PIM1: variants seen among roughly 807,000 people sequenced by gnomAD.
PIM1 encodes Pim-1 proto-oncogene, serine/threonine kinase, also known as serine/threonine-protein kinase pim-1.
Under a neutral mutation model 34.5 loss-of-function variants are expected in PIM1, and 9 were observed. The observed-to-expected ratio is 0.26, with a 90% CI of 0.16 to 0.46. The LOEUF (loss-of-function observed/expected upper bound fraction) is 0.46, where lower values mean the gene tolerates loss of function less well. PIM1 is among the 20% of genes least tolerant of loss of function. The pLI is 1.00. For missense variants in PIM1, 274 were observed against 410.9 expected (o/e 0.67, Z 2.88); for synonymous variants, 199 against 175.2 (o/e 1.14, Z -1.07).
chr6:37,172,950 G>A (rs1181524086), intron 4 of PIM1, 46 bp from the exon 5 acceptor site: 1 of 1,551,756 alleles, frequency 6.4e-7, no homozygotes, highest in Non-Finnish European at 8.9e-7. Context: ...CTTTGTGCTT[G>A]TTTTTGCTAA....
Position 37,170,788 on chromosome 6 carries a change from C to A in PIM1, c.98C>A (p.Pro33His), listed in dbSNP as rs1437856130. Reference sequence around the variant, plus strand: ...CCTTTCCTAGGCAAGGAGAAGGAGCCCCTGGAGTCGCAGTACCAGGTGGGC... The same window carrying A: ...CCTTTCCTAGGCAAGGAGAAGGAGCACCTGGAGTCGCAGTACCAGGTGGGC... The part of the protein sequence containing the change: ...TKLAPGKEKE[P>H]LESQYQVGPL... Residue 33 changes from proline to histidine, a missense_variant, in exon 2 of 6, where the codon CCC (proline) becomes CAC (histidine). Pro to His is a moderately conservative substitution (Grantham distance 77). This residue lies in a region of PIM1 where 106 missense variants were observed against 111.5 expected (regional missense o/e 0.95). Coordinates refer to ENST00000373509, the MANE Select transcript of PIM1 (RefSeq NM_002648.4). 2 of 1,612,708 alleles carry A rather than the reference C, an allele frequency of 1.2e-6. No homozygotes were observed. Among genetic ancestry groups the A allele is most frequent in the Non-Finnish European group, 1.7e-6 (2 of 1,179,648 alleles).
chr6:37,171,463 C>T lies in PIM1; in HGVS notation c.579C>T (p.Leu193=). ...KLIDFGSGAL[L]KDTVYTDFDG... is the part of the protein sequence containing the mutation. Reference sequence around the variant, plus strand: ...TCGACTTCGGGTCGGGGGCGCTGCTCAAGGACACCGTCTACACGGACTTCG... The same window carrying T: ...TCGACTTCGGGTCGGGGGCGCTGCTTAAGGACACCGTCTACACGGACTTCG... Residue 193 remains leucine (L), a synonymous_variant, in exon 4 of 6, where the codon CTC becomes CTT. Transcript: ENST00000373509. 6.2e-7 allele frequency: 1 copy of T among 1,613,660 alleles called. No individual in the cohort carries two copies. Among genetic ancestry groups the T allele is most frequent in the Non-Finnish European group, 8.5e-7 (1 of 1,180,018 alleles).
intron 5 of PIM1, 134 bp downstream of exon 5, chr6:37,173,306 T>A: frequency 1.3e-6 from 1 of 780,364 alleles, no homozygotes; most frequent in Non-Finnish European, 2.0e-6. Context: ...GAATTGTAGG[T>A]GAGTGATTTA....
Position 37,175,042 on chromosome 6 carries a change from C to T in PIM1, c.*951C>T. On this transcript the variant is annotated 3_prime_UTR_variant, in exon 6 of 6. Coordinates refer to ENST00000373509, the MANE Select transcript of PIM1 (RefSeq NM_002648.4). Reference sequence around the variant, plus strand: ...CCCTTCCTATTCCAAGCTTCCATAGCTGCTGCCCTAGTTTTCTTTCCTCCT... The same window carrying T: ...CCCTTCCTATTCCAAGCTTCCATAGTTGCTGCCCTAGTTTTCTTTCCTCCT... The T allele has an allele frequency of 4.3e-6, 1 of 233,538 alleles. No individual in the cohort carries two copies. Among genetic ancestry groups the T allele is most frequent in the Non-Finnish European group, 8.5e-6 (1 of 118,082 alleles). The allele number at this position is 233,538 out of a possible 1,614,324, so 14.5% of individuals were successfully genotyped here.
intron 4 of PIM1, chr6:37,172,447 T>G (rs957664679): frequency 5.2e-6 from 2 of 381,722 alleles, no homozygotes; most frequent in Admixed American, 3.1e-5. Flanking sequence ...CCTGCAGCTC[T>G]GTCTACCTTT....
At chr6:37,172,543 G>A (rs1561983783) in intron 4 of PIM1, 1 of 453,740 alleles carries the variant, frequency 2.2e-6, no homozygotes, top group East Asian at 7.0e-5. Flanking sequence ...CCCTGACTTA[G>A]GATGTTGTGC....
intron 4 of PIM1, chr6:37,172,705 G>A (rs1239026588): frequency 1.7e-6 from 1 of 575,538 alleles, no homozygotes; most frequent in Admixed American, 2.2e-5. Context: ...TGCCTCACAG[G>A]GCCTCAAGTT....
Position 37,170,240 on chromosome 6 carries a change from C to T in PIM1, c.-336C>T. 5 of 1,258,458 alleles carry T rather than the reference C, an allele frequency of 4.0e-6. No individual in the cohort carries two copies. Among genetic ancestry groups the T allele is most frequent in the Non-Finnish European group, 5.0e-6 (5 of 1,006,186 alleles). The allele number at this position is 1,258,458 out of a possible 1,614,324, so 78.0% of individuals were successfully genotyped here. A position where few individuals can be genotyped will look rare whatever the true frequency, so the allele number is the denominator to read the frequency against. ...GAGGAGTCGGTGGCAGCGGCGGCGG[C>T]GGGACCGGCAGCAGCAGCAGCAGCA... On this transcript the variant is annotated 5_prime_UTR_variant, in exon 1 of 6. Transcript: ENST00000373509.
rs1009711197 is a variant in PIM1 at position 37,170,206 on chromosome 6, G to A, written c.-370G>A. The A allele has an allele frequency of 2.5e-6, 3 of 1,207,714 alleles. No homozygotes were observed. Among genetic ancestry groups the A allele is most frequent in the African/African-American group, 1.6e-5 (1 of 62,518 alleles). The allele number at this position is 1,207,714 out of a possible 1,614,324, so 74.8% of individuals were successfully genotyped here. A position where few individuals can be genotyped will look rare whatever the true frequency, so the allele number is the denominator to read the frequency against. ...TGCTGCAGCGGCCGCGGTGGCTGAG[G>A]AGGCCCGAGAGGAGTCGGTGGCAGC... On this transcript the variant is annotated 5_prime_UTR_variant, in exon 1 of 6. Coordinates refer to ENST00000373509, the MANE Select transcript of PIM1 (RefSeq NM_002648.4).
rs1033497376 is a variant in PIM1, at chr6:37,170,989, C to A, written c.198C>A (p.Ile66=). The change falls in exon 3 of 6, where the codon ATC becomes ATA. Residue 66 remains isoleucine (I), a synonymous_variant. Transcript: ENST00000373509. The stretch of plus-strand genomic sequence containing the variant: ...AGACCCTGGGCTTCCAGGTGGCCAT[C>A]AAACACGTGGAGAAGGACCGGATTT... ...IRVSDNLPVA[I]KHVEKDRISD... is the part of the protein sequence containing the mutation. The A allele has an allele frequency of 3.7e-6, 6 of 1,614,068 alleles. No homozygotes were observed. Among genetic ancestry groups the A allele is most frequent in the Non-Finnish European group, 4.2e-6 (5 of 1,179,992 alleles).
At chr6:37,173,842 CT>C in intron 5 of PIM1, 91 bp from the exon 6 acceptor site, 1 of 1,233,990 alleles carries the variant, frequency 8.1e-7, no homozygotes, top group Non-Finnish European at 1.1e-6. Context: ...GGACCCCAGA[CT>C]TGTGGGCCTC....
chr6:37,172,447 T>A lies in PIM1; in HGVS notation c.608-549T>A, dbSNP rs957664679. On this transcript the variant is annotated intron_variant, in intron 4 of 5. Coordinates refer to ENST00000373509, the MANE Select transcript of PIM1 (RefSeq NM_002648.4). Reference sequence around the variant, plus strand: ...TGGTCTGAAACCAACCCTGCAGCTCTGTCTACCTTTCCAGTCTAGGGAGGA... The same window carrying A: ...TGGTCTGAAACCAACCCTGCAGCTCAGTCTACCTTTCCAGTCTAGGGAGGA... The A allele has an allele frequency of 1.3e-5, 5 of 381,722 alleles. No individual in the cohort carries two copies. The Admixed American group carries it at 1.6e-4, about 12-fold the overall frequency. 23.6% of individuals were successfully genotyped at this position (381,722 alleles called of 1,614,324 possible).
rs1479669572 is a variant in PIM1 at position 37,174,640 on chromosome 6, C to G, written c.*549C>G. ...TGGGTTTTGTTCCCTATTTTTCTCT[C>G]CTGTCCTCCCTCACCCCCTCCTTCA... On this transcript the variant is annotated 3_prime_UTR_variant, in exon 6 of 6. Transcript: ENST00000373509. 1 of 233,830 alleles carries G rather than the reference C, an allele frequency of 4.3e-6. No individual in the cohort carries two copies. Among genetic ancestry groups the G allele is most frequent in the Admixed American group, 5.6e-5 (1 of 17,788 alleles). 14.5% of individuals were successfully genotyped at this position (233,830 alleles called of 1,614,324 possible).
chr6:37,170,942 C>A (rs772887811), intron 2 of PIM1, 39 bp from the exon 3 acceptor site: 1 of 1,613,782 alleles, frequency 6.2e-7, no homozygotes, highest in Non-Finnish European at 8.5e-7. Flanking sequence ...CGTGCTTTAG[C>A]CCGGACGAGG....
chr6:37,170,872 A>G lies in PIM1; in HGVS notation c.182A>G (p.Asn61Ser). ...TACTCAGGCATCCGCGTCTCCGACA[A>G]CTTGCCGGTGAGTGGGCGCCCCGCG... ...SVYSGIRVSD[N>S]LPVAIKHVEK... Residue 61 changes from asparagine (N) to serine (S), a missense_variant, in exon 2 of 6, where the codon AAC becomes AGC. Physicochemically the swap from Asn to Ser is conservative, Grantham distance 46. Transcript: ENST00000373509. 2 of 1,612,656 alleles carry G rather than the reference A, an allele frequency of 1.2e-6. No homozygotes were observed. The highest frequency in any genetic ancestry group is 1.7e-6 in the Non-Finnish European group (2 of 1,179,396).
intron 4 of PIM1, among the ~76,000 whole-genome samples, chr6:37,172,179 T>G (rs182711731): frequency 1.0e-3 from 157 of 152,230 alleles, no homozygotes; most frequent in Admixed American, 3.2e-3. Flanking sequence ...GGGTGGGTCA[T>G]CATCTGAGCG....
At position 37,170,572 on chromosome 6, in the gene PIM1, T is replaced by G. The variant is rs777568379; in HGVS notation, c.-4T>G. The G allele has an allele frequency of 9.3e-6, 15 of 1,612,896 alleles. No homozygotes were observed. Among genetic ancestry groups the G allele is most frequent in the East Asian group, 2.2e-5 (1 of 44,794 alleles). On this transcript the variant is annotated 5_prime_UTR_variant, in exon 1 of 6. Transcript: ENST00000373509. The stretch of plus-strand genomic sequence containing the variant: ...GTCCCTGCGCCGACATCCTGGAGGT[T>G]GGGATGCTCTTGTCCAAAATCAACT...
Position 37,170,176 on chromosome 6 carries a change from G to A in PIM1, c.-400G>A, listed in dbSNP as rs1192187057. 1.9e-6 allele frequency: 2 copies of A among 1,030,982 alleles called. No homozygotes were observed. Among genetic ancestry groups the A allele is most frequent in the South Asian group, 2.6e-5 (1 of 38,600 alleles). The allele number at this position is 1,030,982 out of a possible 1,614,324, so 63.9% of individuals were successfully genotyped here. Reference sequence around the variant, plus strand: ...TACTCCTGGCTGCGGGGCGAGCCGGGCGTCTGCTGCAGCGGCCGCGGTGGC... The same window carrying A: ...TACTCCTGGCTGCGGGGCGAGCCGGACGTCTGCTGCAGCGGCCGCGGTGGC... On this transcript the variant is annotated 5_prime_UTR_variant, in exon 1 of 6. Transcript: ENST00000373509.
At chr6:37,171,853 C>T (rs1179467350) in intron 4 of PIM1, among the ~76,000 whole-genome samples, 1 of 152,060 alleles carries the variant, frequency 6.6e-6, no homozygotes, top group Non-Finnish European at 1.5e-5. Context: ...AAATTGATGC[C>T]GGTTTTGTAA....
Sources: gnomAD v4.1 joint callset for allele counts (sites outside exome capture counted in the v4.1 genomes callset) on GRCh38, gnomAD v4.1.1 for gene constraint, gnomAD v4.1.1 regional missense constraint, MANE v1.5 for transcripts, NCBI Gene and HGNC (gene_info 2026-07-23, HGNC 2026-07-21) for gene names.